The following SLCO1B1 variants were observed in gnomAD, a reference collection of about 807,000 sequenced individuals.
SLCO1B1 encodes solute carrier organic anion transporter family member 1B1.
SLCO1B1 carries 81 observed loss-of-function variants against 70.1 expected under a neutral mutation model. The ratio of observed to expected loss-of-function variants is 1.16; its 90% CI spans 0.97 to 1.39. The LOEUF (loss-of-function observed/expected upper bound fraction) is 1.39, where lower values mean the gene tolerates loss of function less well. Among genes scored for constraint, SLCO1B1 ranks in the 40% most tolerant of loss-of-function variants. The pLI is 0.00. For missense variants in SLCO1B1, 895 were observed against 799.6 expected (o/e 1.12, Z -1.44); for synonymous variants, 283 against 271.5 (o/e 1.04, Z -0.42).
At chr12:21,234,936 T>C (rs369049125) in intron 14 of SLCO1B1, among the ~76,000 whole-genome samples, 11 of 152,142 alleles carry the variant, frequency 7.2e-5, no homozygotes, top group Admixed American at 7.2e-4. Flanking sequence ...TTTTAAAAAA[T>C]TTATTGTGAC....
chr12:21,143,686 T>C (rs1286765126), intron 2 of SLCO1B1, among the ~76,000 whole-genome samples: 1 of 152,080 alleles, frequency 6.6e-6, no homozygotes, highest in Non-Finnish European at 1.5e-5. Context: ...TGATTCCAAA[T>C]CCTATGCTCT....
chr12:21,216,201 G>C (rs1347022564), intron 11 of SLCO1B1, among the ~76,000 whole-genome samples: 4 of 151,418 alleles, frequency 2.6e-5, no homozygotes, highest in Admixed American at 1.3e-4. Context: ...TCTTAAAATA[G>C]TGTTCTTTGT....
chr12:21,202,886 A>G (rs1426911197), intron 10 of SLCO1B1, among the ~76,000 whole-genome samples, 200 bp downstream of exon 10: 1 of 152,126 alleles, frequency 6.6e-6, no homozygotes, highest in Non-Finnish European at 1.5e-5. Context: ...GAGAAGCAAC[A>G]TAGGTTGTAA....
chr12:21,196,441 G>GT (rs1325809276), intron 7 of SLCO1B1, among the ~76,000 whole-genome samples: 2 of 152,092 alleles, frequency 1.3e-5, no homozygotes, highest in African/African-American at 2.4e-5. Context: ...TATTTTCACT[G>GT]TATTTTCTTA....
Position 21,178,944 on chromosome 12 carries a change from G to C in SLCO1B1, c.651G>C (p.Met217Ile), listed in dbSNP as rs1048383515. 1 of 1,611,286 alleles carries C rather than the reference G, an allele frequency of 6.2e-7. No homozygotes were observed. The highest frequency in any genetic ancestry group is 1.3e-5 in the African/African-American group (1 of 74,930). ...CAGGTATATTGAATGCAATAGCAAT[G>C]ATTGGTCCAATCATTGGCTTTACCC... ...LYLGILNAIA[M>I]IGPIIGFTLG... is the part of the protein sequence containing the mutation. The change falls in exon 7 of 15, where the codon ATG becomes ATC. Residue 217 changes from methionine to isoleucine, a missense_variant. Transcript: ENST00000256958.
At chr12:21,170,983 C>G (rs1269520095) in intron 2 of SLCO1B1, among the ~76,000 whole-genome samples, 1 of 152,154 alleles carries the variant, frequency 6.6e-6, no homozygotes, top group African/African-American at 2.4e-5. Flanking sequence ...CAGACACTGT[C>G]CTAATCACTG....
intron 14 of SLCO1B1, among the ~76,000 whole-genome samples, chr12:21,228,674 A>G (rs984755437): frequency 6.6e-6 from 1 of 152,202 alleles, no homozygotes; most frequent in Non-Finnish European, 1.5e-5. Context: ...AAGATGGAAG[A>G]AAGGGGCCAG....
At chr12:21,237,834 C>A (rs1421255857) in intron 14 of SLCO1B1, among the ~76,000 whole-genome samples, 4 of 151,986 alleles carry the variant, frequency 2.6e-5, no homozygotes, top group African/African-American at 9.7e-5. Context: ...CCTGCCTCAG[C>A]CTCCTGAGTA....
rs4149045 is a variant in SLCO1B1 at position 21,177,086 on chromosome 12, G to A, written c.481+189G>A. Reference sequence around the variant, plus strand: ...CATTAACAACACAGGTTTAAACTACGCGTTTTCACTTCTATGCAAATTTTG... The same window carrying A: ...CATTAACAACACAGGTTTAAACTACACGTTTTCACTTCTATGCAAATTTTG... On this transcript the variant is annotated intron_variant, in intron 5 of 14. Transcript: ENST00000256958. Among the ~76,000 whole-genome samples, 47,609 of 151,936 alleles carry A rather than the reference G, an allele frequency of 0.31. 8,940 individuals are homozygous for A. The highest frequency in any genetic ancestry group is 0.51 in the African/African-American group (21,283 of 41,456).
rs2121145865 is a variant in SLCO1B1 at position 21,200,505 on chromosome 12, C to T, written c.971-3C>T. 6.5e-7 allele frequency: 1 copy of T among 1,545,644 alleles called. No homozygotes were observed. Among genetic ancestry groups the T allele is most frequent in the Non-Finnish European group, 8.7e-7 (1 of 1,143,480 alleles). Reference sequence around the variant, plus strand: ...TATTTTCTTTATTTTTACAATTTTACAGGTTTTTTCCAGTCTTTTAAAAGC... The same window carrying T: ...TATTTTCTTTATTTTTACAATTTTATAGGTTTTTTCCAGTCTTTTAAAAGC... On this transcript the variant is annotated splice_polypyrimidine_tract_variant and splice_region_variant and intron_variant, in intron 8 of 14. Coordinates refer to ENST00000256958, the MANE Select transcript of SLCO1B1 (RefSeq NM_006446.5).
chr12:21,198,280 C>A (rs1446656026), intron 8 of SLCO1B1, among the ~76,000 whole-genome samples: 8 of 151,956 alleles, frequency 5.3e-5, no homozygotes, highest in Admixed American at 2.0e-4. Flanking sequence ...AAGAGAATTA[C>A]CATGATTTAT....
intron 1 of SLCO1B1, among the ~76,000 whole-genome samples, chr12:21,131,562 A>G (rs1295348093): frequency 2.0e-5 from 3 of 152,252 alleles, no homozygotes; most frequent in Non-Finnish European, 4.4e-5. Context: ...AAAATATGCT[A>G]CAGGATAATT....
chr12:21,230,826 T>C (rs930894152), intron 14 of SLCO1B1, among the ~76,000 whole-genome samples: 2 of 151,994 alleles, frequency 1.3e-5, no homozygotes, highest in Non-Finnish European at 2.9e-5. Flanking sequence ...CTTTCTTTTT[T>C]ATTATTATTA....
chr12:21,176,524 C>T (rs996038003), intron 4 of SLCO1B1, among the ~76,000 whole-genome samples: 1 of 152,056 alleles, frequency 6.6e-6, no homozygotes, highest in Non-Finnish European at 1.5e-5. Flanking sequence ...GATATAACCA[C>T]TCCTAGGATA....
intron 14 of SLCO1B1, among the ~76,000 whole-genome samples, chr12:21,226,515 A>G (rs1460614781): frequency 3.9e-5 from 6 of 152,188 alleles, no homozygotes; most frequent in South Asian, 4.1e-4. Flanking sequence ...TATGAAGACA[A>G]TGAAACATCA....
At chr12:21,184,875 A>G (rs1362394211) in intron 7 of SLCO1B1, among the ~76,000 whole-genome samples, 1 of 152,202 alleles carries the variant, frequency 6.6e-6, no homozygotes, top group African/African-American at 2.4e-5. Flanking sequence ...CACATCTTAC[A>G]TGTACAATAC....
At chr12:21,138,977 T>C (rs1186864604) in intron 1 of SLCO1B1, among the ~76,000 whole-genome samples, 1 of 152,114 alleles carries the variant, frequency 6.6e-6, no homozygotes, top group Non-Finnish European at 1.5e-5. Flanking sequence ...TGAAAGATTC[T>C]TAGGATAAAT....
intron 1 of SLCO1B1, among the ~76,000 whole-genome samples, chr12:21,141,078 T>A (rs1940301278): frequency 1.3e-5 from 2 of 151,930 alleles, no homozygotes. Context: ...TTCTTTATAT[T>A]ATTTTTGTAT....
At chr12:21,156,746 G>A (rs1017999891) in intron 2 of SLCO1B1, among the ~76,000 whole-genome samples, 8 of 152,110 alleles carry the variant, frequency 5.3e-5, no homozygotes, top group Middle Eastern at 3.4e-3. Flanking sequence ...TCCAATTTAC[G>A]CATGAGAAAA....
Sources: gnomAD v4.1 joint callset for allele counts (sites outside exome capture counted in the v4.1 genomes callset) on GRCh38, gnomAD v4.1.1 for gene constraint, MANE v1.5 for transcripts, NCBI Gene and HGNC (gene_info 2026-07-23, HGNC 2026-07-21) for gene names.